JAK2: variants seen among roughly 807,000 people sequenced by gnomAD.
JAK2 encodes the protein Janus kinase 2, also known as tyrosine-protein kinase JAK2.
Under a neutral mutation model 139.3 loss-of-function variants are expected in JAK2, and 86 were observed. The ratio of observed to expected loss-of-function variants is 0.62; its 90% CI spans 0.52 to 0.74. The LOEUF (loss-of-function observed/expected upper bound fraction) is 0.74. JAK2 is among the 30% of genes least tolerant of loss of function. JAK2 has a pLI of 0.00. For missense variants in JAK2, 1,421 were observed against 1,360.3 expected (o/e 1.04, Z -0.70); for synonymous variants, 490 against 437.7 (o/e 1.12, Z -1.49).
At chr9:5,037,894 A>G (rs1430863542) in intron 4 of JAK2, among the ~76,000 whole-genome samples, 1 of 152,196 alleles carries the variant, frequency 6.6e-6, no homozygotes, top group Non-Finnish European at 1.5e-5. Flanking sequence ...AGATAGTTTC[A>G]ACAAATCAAA....
intron 3 of JAK2, among the ~76,000 whole-genome samples, chr9:5,027,564 C>T (rs914013302): frequency 7.2e-5 from 11 of 152,126 alleles, no homozygotes; most frequent in South Asian, 4.1e-4. Context: ...GTTGCTGCAT[C>T]AGTGGACTCT....
intron 22 of JAK2, among the ~76,000 whole-genome samples, chr9:5,092,897 G>C (rs1013334594): frequency 6.6e-6 from 1 of 152,106 alleles, no homozygotes; most frequent in African/African-American, 2.4e-5. Flanking sequence ...TCTAAAGAGG[G>C]ACAGCTCTTT....
intron 23 of JAK2, chr9:5,126,102 T>A (rs1823976359): frequency 2.7e-6 from 1 of 373,188 alleles, no homozygotes; most frequent in East Asian, 4.2e-5. Context: ...TTTTGAGCCC[T>A]CCTCAGGGGA....
intron 8 of JAK2, among the ~76,000 whole-genome samples, chr9:5,059,545 G>A (rs1818009665): frequency 6.6e-6 from 1 of 152,010 alleles, no homozygotes; most frequent in Non-Finnish European, 1.5e-5. Flanking sequence ...TTTTTTGGTG[G>A]ACTTATGCAC....
intron 4 of JAK2, among the ~76,000 whole-genome samples, chr9:5,031,938 G>C (rs1429721637): frequency 1.3e-5 from 2 of 152,226 alleles, no homozygotes; most frequent in African/African-American, 4.8e-5. Context: ...AGCACACTGA[G>C]CATGAGCCGA....
rs533889944 is a variant in JAK2 at position 5,054,300 on chromosome 9, T to C, written c.615-263T>C. ...TCTTATTAACTAGACTGAGGATTCA[T>C]TTCATTAGGGGAAGAAGATTAACAT... On this transcript the variant is annotated intron_variant, in intron 6 of 24. Coordinates refer to ENST00000381652, the MANE Select transcript of JAK2 (RefSeq NM_004972.4). This position sits in a 1 kb window ranked among gnomAD's most constrained non-coding sequence, Gnocchi z 4.9. Among the ~76,000 whole-genome samples, 3 of 152,144 alleles carry C rather than the reference T, an allele frequency of 2.0e-5. No individual in the cohort carries two copies. Among genetic ancestry groups the C allele is most frequent in the East Asian group, 3.9e-4 (2 of 5,182 alleles).
intron 19 of JAK2, among the ~76,000 whole-genome samples, chr9:5,087,818 G>A (rs920974676): frequency 4.6e-5 from 7 of 152,060 alleles, no homozygotes; most frequent in African/African-American, 1.7e-4. Flanking sequence ...TAATAGAGAT[G>A]TACACAAATA....
chr9:5,073,866 C>A, intron 14 of JAK2, 81 bp downstream of exon 14: 1 of 866,298 alleles, frequency 1.2e-6, no homozygotes, highest in Non-Finnish European at 1.9e-6. Context: ...TTCAGGATCA[C>A]AGCTAGGTGT....
In JAK2 at chr9:5,075,643, C is replaced by A. The variant is rs1240170438; in HGVS notation, c.1865-1810C>A. Among the ~76,000 whole-genome samples the A allele has an allele frequency of 3.3e-5, 5 of 152,290 alleles. No individual in the cohort carries two copies. The East Asian group carries it at 9.6e-4, about 29-fold the overall frequency. On this transcript the variant is annotated intron_variant, in intron 14 of 24. Transcript: ENST00000381652. The stretch of plus-strand genomic sequence containing the variant: ...AGATTGCTTTCAAAGTATTACTGAT[C>A]ATTGACAATGCACCTGGTCACCCAA...
chr9:5,022,275 A>G (rs1563932235), intron 3 of JAK2, 62 bp downstream of exon 3: 12 of 1,087,394 alleles, frequency 1.1e-5, no homozygotes, highest in Non-Finnish European at 5.6e-6. Context: ...ATGCTATGCT[A>G]ATACTAGGTA....
chr9:5,059,467 T>C (rs1818002717), intron 8 of JAK2, among the ~76,000 whole-genome samples: 1 of 152,198 alleles, frequency 6.6e-6, no homozygotes, highest in Non-Finnish European at 1.5e-5. Flanking sequence ...ATTCTGTTGA[T>C]GGACATTTGG....
intron 19 of JAK2, among the ~76,000 whole-genome samples, chr9:5,082,148 A>C (rs544582025): frequency 6.6e-6 from 1 of 152,224 alleles, no homozygotes; most frequent in Non-Finnish European, 1.5e-5. Flanking sequence ...AAGTGGGCCC[A>C]GGGGACCAGT....
intron 22 of JAK2, among the ~76,000 whole-genome samples, chr9:5,106,342 A>G (rs1455116212): frequency 6.6e-6 from 1 of 152,258 alleles, no homozygotes; most frequent in Non-Finnish European, 1.5e-5. Context: ...CAAAACCACA[A>G]TGAGATACCA....
intron 19 of JAK2, among the ~76,000 whole-genome samples, chr9:5,083,888 T>G (rs1819888764): frequency 6.6e-6 from 1 of 152,198 alleles, no homozygotes; most frequent in Non-Finnish European, 1.5e-5. Flanking sequence ...ACTACACAAT[T>G]TCTTTCAATA....
chr9:5,050,496 CCTGGG>C (rs942501131), intron 5 of JAK2, among the ~76,000 whole-genome samples, 185 bp from the exon 6 acceptor site: 2 of 152,124 alleles, frequency 1.3e-5, no homozygotes, highest in Non-Finnish European at 2.9e-5. Context: ...GTCTCAAACT[CCTGGG>C]CTCAAGTGAT....
Position 5,071,254 on chromosome 9 carries a change from T to C in JAK2, c.1641+1202T>C, listed in dbSNP as rs183029642. 1.3e-5 allele frequency among the ~76,000 whole-genome samples: 2 copies of C among 152,258 alleles called. 1 individual carries two copies. The highest frequency in any genetic ancestry group is 2.9e-5 in the Non-Finnish European group (2 of 67,996). On this transcript the variant is annotated intron_variant, in intron 12 of 24. Transcript: ENST00000381652. Reference sequence around the variant, plus strand: ...CCCATAATTCCCACAGATAAAAGCATTGCAAACACAAGCTTTTAATAGAAA... The same window carrying C: ...CCCATAATTCCCACAGATAAAAGCACTGCAAACACAAGCTTTTAATAGAAA...
At chr9:5,039,504 G>A (rs1816326958) in intron 4 of JAK2, among the ~76,000 whole-genome samples, 1 of 152,080 alleles carries the variant, frequency 6.6e-6, no homozygotes, top group South Asian at 2.1e-4. Flanking sequence ...TTTGGTATGT[G>A]TGGGAGGTTC....
At chr9:5,009,904 A>G (rs1176726908) in intron 2 of JAK2, among the ~76,000 whole-genome samples, 4 of 152,020 alleles carry the variant, frequency 2.6e-5, no homozygotes, top group Non-Finnish European at 4.4e-5. Context: ...CCAAGTAGCT[A>G]GTACTACAGG....
chr9:4,994,061 T>C (rs996284854), intron 2 of JAK2, among the ~76,000 whole-genome samples: 1 of 152,216 alleles, frequency 6.6e-6, no homozygotes, highest in African/African-American at 2.4e-5. Flanking sequence ...CTGAACTGAA[T>C]TGGGTTAATA....
Sources: gnomAD v4.1 joint callset for allele counts (sites outside exome capture counted in the v4.1 genomes callset) on GRCh38, gnomAD v4.1.1 for gene constraint, Gnocchi (gnomAD v3.1) non-coding constraint, MANE v1.5 for transcripts, NCBI Gene and HGNC (gene_info 2026-07-23, HGNC 2026-07-21) for gene names.